The following NUP155 variants were observed in gnomAD, a reference collection of about 807,000 sequenced individuals.
The protein encoded by NUP155 is nucleoporin 155, also known as nuclear pore complex protein Nup155.
A neutral mutation model predicts 180.4 loss-of-function variants in NUP155; 71 were observed. That is an observed-to-expected ratio of 0.39 (90% confidence interval 0.33 to 0.48). The LOEUF is 0.48. Ranked by LOEUF, NUP155 falls within the 20% of genes least tolerant of loss-of-function variation. The pLI, the probability that NUP155 is intolerant of heterozygous loss-of-function variation, is 0.91. For missense variants in NUP155, 1,553 were observed against 1,648.9 expected (o/e 0.94, Z 1.01); for synonymous variants, 582 against 559.5 (o/e 1.04, Z -0.57).
At position 37,298,911 on chromosome 5, in the gene NUP155, G is replaced by A; in HGVS notation, c.3750C>T (p.Leu1250=). The A allele has an allele frequency of 6.2e-7, 1 of 1,613,330 alleles. No homozygotes were observed. The highest frequency in any genetic ancestry group is 1.1e-5 in the South Asian group (1 of 91,054). Residue 1250 remains leucine, a synonymous_variant, in exon 32 of 35, where the codon CTC becomes CTT. Coordinates refer to ENST00000231498, the MANE Select transcript of NUP155 (RefSeq NM_153485.3). ...GTGTGCCAGCATAAATTTTGCCAAGGAGAACAATCTTGAGACTAAGAGCAT... is the reference window on the plus strand; with the variant it reads ...GTGTGCCAGCATAAATTTTGCCAAGAAGAACAATCTTGAGACTAAGAGCAT... ...RMHALSLKIV[L]LGKIYAGTPR...
intron 23 of NUP155, among the ~76,000 whole-genome samples, chr5:37,310,122 T>C (rs1195423402): frequency 6.6e-6 from 1 of 152,138 alleles, no homozygotes; most frequent in East Asian, 1.9e-4. Context: ...GAGGATCACT[T>C]GAAGCCAAGA....
rs1743375521 is a variant in NUP155 at position 37,309,271 on chromosome 5, GA to G, written c.2629-5del. On this transcript the variant is annotated splice_region_variant and splice_polypyrimidine_tract_variant and intron_variant, in intron 23 of 34. Transcript: ENST00000231498. ...AACGCTGGAGAAGCTCATTTGCCTA[GA>G]AGAGGAGATAACAAGAACTTAAAAA... 9.8e-6 allele frequency: 8 copies of G among 819,790 alleles called. No homozygotes were observed. Among genetic ancestry groups the G allele is most frequent in the Non-Finnish European group, 1.3e-5 (8 of 592,604 alleles). 50.8% of individuals were successfully genotyped at this position (819,790 alleles called of 1,614,324 possible).
chr5:37,357,088 C>A (rs1340992617), intron 4 of NUP155, among the ~76,000 whole-genome samples: 2 of 149,124 alleles, frequency 1.3e-5, no homozygotes, highest in Admixed American at 1.3e-4. Flanking sequence ...GCCTGGGCAA[C>A]AGAGCGAGAC....
At chr5:37,310,055 A>T (rs1490425286) in intron 23 of NUP155, among the ~76,000 whole-genome samples, 1 of 151,678 alleles carries the variant, frequency 6.6e-6, no homozygotes, top group African/African-American at 2.4e-5. Flanking sequence ...AACTTAAAGG[A>T]GGGCTGGGCA....
chr5:37,321,863 A>AT (rs565585262), intron 20 of NUP155, among the ~76,000 whole-genome samples: 11 of 151,136 alleles, frequency 7.3e-5, no homozygotes, highest in Admixed American at 1.3e-4. Context: ...TATTTATGAT[A>AT]TTTTTTTTTG....
chr5:37,294,214 G>C, intron 33 of NUP155, 115 bp downstream of exon 33: 1 of 705,082 alleles, frequency 1.4e-6, no homozygotes, highest in East Asian at 2.8e-5. Flanking sequence ...ACTCAACCAA[G>C]TGTAATTAGA....
At chr5:37,336,682 C>T (rs2150972003) in intron 12 of NUP155, among the ~76,000 whole-genome samples, 1 of 152,270 alleles carries the variant, frequency 6.6e-6, no homozygotes, top group Non-Finnish European at 1.5e-5. Flanking sequence ...TAGTTTATCA[C>T]AGCACTAGGC....
rs757402770 is a variant in NUP155, at chr5:37,327,737, A to G, written c.1916T>C (p.Leu639Pro). The change falls in exon 18 of 35, where the codon CTG becomes CCG. Residue 639 changes from leucine (L) to proline (P), a missense_variant. Coordinates refer to ENST00000231498, the MANE Select transcript of NUP155 (RefSeq NM_153485.3). ...PPAMSTPVCA[L>P]GNPATQATNM... is the part of the protein sequence containing the mutation. Reference sequence around the variant, plus strand: ...TGTGGCCTGAGTTGCTGGGTTTCCCAGAGCACACACTGGAGTTGACATGGC... The same window carrying G: ...TGTGGCCTGAGTTGCTGGGTTTCCCGGAGCACACACTGGAGTTGACATGGC... The G allele has an allele frequency of 1.2e-6, 2 of 1,614,164 alleles. No individual in the cohort carries two copies. The highest frequency in any genetic ancestry group is 1.7e-6 in the Non-Finnish European group (2 of 1,180,022).
At chr5:37,303,548 A>G (rs1581134560) in intron 27 of NUP155, 134 bp from the exon 28 acceptor site, 1 of 727,526 alleles carries the variant, frequency 1.4e-6, no homozygotes. Context: ...TTATAATCCA[A>G]TACTAACAGA....
intron 1 of NUP155, 67 bp from the exon 2 acceptor site, chr5:37,364,451 A>C: frequency 7.0e-7 from 1 of 1,418,828 alleles, no homozygotes; most frequent in Admixed American, 1.7e-5. Flanking sequence ...AAAAGGATTG[A>C]GTGCCACAAA....
At chr5:37,295,059 T>G (rs1037202992) in intron 32 of NUP155, among the ~76,000 whole-genome samples, 1 of 152,204 alleles carries the variant, frequency 6.6e-6, no homozygotes, top group Non-Finnish European at 1.5e-5. Context: ...TCCCTCTCCC[T>G]GTCCCTCTCC....
chr5:37,370,757 G>A, intron 1 of NUP155, 64 bp downstream of exon 1: 2 of 1,613,422 alleles, frequency 1.2e-6, no homozygotes, highest in Non-Finnish European at 1.7e-6. Context: ...CTGGGGATAA[G>A]TAGCAAATTA....
intron 29 of NUP155, 97 bp downstream of exon 29, chr5:37,302,682 T>C (rs1742927391): frequency 8.2e-7 from 1 of 1,216,830 alleles, no homozygotes. Context: ...TAATAATGAC[T>C]TCTCAGACCT....
At position 37,289,344 on chromosome 5, in the gene NUP155, C is replaced by G. The variant is rs1742143513; in HGVS notation, c.*2556G>C. 1 of 152,324 alleles carries G rather than the reference C, an allele frequency of 6.6e-6. No individual in the cohort carries two copies. The highest frequency in any genetic ancestry group is 1.5e-5 in the Non-Finnish European group (1 of 68,124). The allele number at this position is 152,324 out of a possible 1,614,324, so 9.4% of individuals were successfully genotyped here. On this transcript the variant is annotated 3_prime_UTR_variant, in exon 35 of 35. Coordinates refer to ENST00000231498, the MANE Select transcript of NUP155 (RefSeq NM_153485.3). Reference sequence around the variant, plus strand: ...AAAAAAGTAATGCGTTGAACAAACACCAAGTACAAAGTATACTAATACAGT... The same window carrying G: ...AAAAAAGTAATGCGTTGAACAAACAGCAAGTACAAAGTATACTAATACAGT...
chr5:37,301,258 T>C (rs1055823702), intron 30 of NUP155, 179 bp downstream of exon 30: 1 of 561,448 alleles, frequency 1.8e-6, no homozygotes, highest in African/African-American at 1.9e-5. Flanking sequence ...GCTTAGCCTT[T>C]TTCTAGGAGT....
At chr5:37,358,227 C>T in intron 3 of NUP155, 76 bp from the exon 4 acceptor site, 1 of 1,066,654 alleles carries the variant, frequency 9.4e-7, no homozygotes, top group South Asian at 1.2e-5. Context: ...GTCTTTAATC[C>T]CAGTACTTTG....
rs138145679 is a variant in NUP155, at chr5:37,328,025, T to C, written c.1877-249A>G. Among the ~76,000 whole-genome samples, 52 of 152,320 alleles carry C rather than the reference T, an allele frequency of 3.4e-4. 1 individual carries two copies. The highest frequency in any genetic ancestry group is 1.1e-3 in the African/African-American group (44 of 41,574). On this transcript the variant is annotated intron_variant, in intron 17 of 34. Coordinates refer to ENST00000231498, the MANE Select transcript of NUP155 (RefSeq NM_153485.3). Reference sequence around the variant, plus strand: ...GTGGATGGGTACTCCCAGATAGACTTGCAAGTGTTCACAATGCAGAATGAA... The same window carrying C: ...GTGGATGGGTACTCCCAGATAGACTCGCAAGTGTTCACAATGCAGAATGAA...
chr5:37,359,956 A>C (rs1747090478), intron 3 of NUP155, among the ~76,000 whole-genome samples: 1 of 152,144 alleles, frequency 6.6e-6, no homozygotes, highest in African/African-American at 2.4e-5. Context: ...GTTTCTACTA[A>C]AAATAGAAAA....
At chr5:37,328,076 T>G (rs1744721588) in intron 17 of NUP155, among the ~76,000 whole-genome samples, 2 of 152,228 alleles carry the variant, frequency 1.3e-5, no homozygotes, top group African/African-American at 4.8e-5. Flanking sequence ...CCAGTACTGC[T>G]TGTAATGCTG....
Sources: allele counts gnomAD v4.1 joint callset (sites outside exome capture counted in the v4.1 genomes callset), GRCh38; gene constraint gnomAD v4.1.1; transcripts MANE v1.5; gene names NCBI Gene and HGNC (gene_info 2026-07-23, HGNC 2026-07-21).